Variants in CLSTN2 observed in about 807,000 individuals in gnomAD.
The protein encoded by CLSTN2 is calsyntenin-2.
In CLSTN2, 48 loss-of-function variants were observed where a neutral mutation model predicts 101.2. That is an observed-to-expected ratio of 0.47 (90% CI 0.38 to 0.60). The LOEUF is 0.60. Ranked by LOEUF, CLSTN2 falls within the 20% of genes least tolerant of loss-of-function variation. CLSTN2 has a pLI of 0.00. For synonymous variants in CLSTN2, 481 were observed against 463.6 expected (o/e 1.04, Z -0.48); for missense variants, 1,160 against 1,238.2 (o/e 0.94, Z 0.95).
intron 1 of CLSTN2, among the ~76,000 whole-genome samples, chr3:140,149,437 A>G (rs555751625): frequency 2.5e-4 from 36 of 146,768 alleles, no homozygotes; most frequent in Admixed American, 4.2e-4. Flanking sequence ...TAGAGCATCC[A>G]GTTAACTCGA....
At chr3:140,518,623 C>T (rs1201692823) in intron 8 of CLSTN2, among the ~76,000 whole-genome samples, 1 of 152,174 alleles carries the variant, frequency 6.6e-6, no homozygotes, top group Non-Finnish European at 1.5e-5. Context: ...GATTCCTTTT[C>T]ACACTTTTAC....
chr3:140,055,041 A>AT (rs1217003225), intron 1 of CLSTN2, among the ~76,000 whole-genome samples: 2 of 152,112 alleles, frequency 1.3e-5, no homozygotes, highest in African/African-American at 2.4e-5. Context: ...ATTGGCTTTG[A>AT]TTTTGTTGAA....
intron 2 of CLSTN2, among the ~76,000 whole-genome samples, chr3:140,272,307 T>C (rs563142057): frequency 6.6e-6 from 1 of 152,326 alleles, no homozygotes; most frequent in Non-Finnish European, 1.5e-5. Context: ...TCCTCTTTTA[T>C]GCCAGACACA....
chr3:140,118,868 A>G (rs1481426452), intron 1 of CLSTN2, among the ~76,000 whole-genome samples: 1 of 152,342 alleles, frequency 6.6e-6, no homozygotes, highest in East Asian at 1.9e-4. Context: ...CATTATTATC[A>G]CTTCATTTAC....
chr3:140,457,329 C>T (rs371754726), intron 6 of CLSTN2, among the ~76,000 whole-genome samples: 5 of 152,354 alleles, frequency 3.3e-5, no homozygotes, highest in South Asian at 4.1e-4. Context: ...GTACCTCTGT[C>T]ACCATCTGTC....
chr3:140,167,422 C>T (rs2010151507), intron 1 of CLSTN2, among the ~76,000 whole-genome samples: 1 of 152,136 alleles, frequency 6.6e-6, no homozygotes, highest in African/African-American at 2.4e-5. Flanking sequence ...ACTGAGTTAG[C>T]ACTTCTCTTT....
intron 8 of CLSTN2, among the ~76,000 whole-genome samples, chr3:140,472,612 G>C (rs1366215615): frequency 6.6e-6 from 1 of 152,180 alleles, no homozygotes; most frequent in African/African-American, 2.4e-5. Flanking sequence ...CACTCTGCTC[G>C]GCATCCCTGC....
intron 2 of CLSTN2, among the ~76,000 whole-genome samples, chr3:140,235,174 G>A (rs964390270): frequency 7.9e-5 from 12 of 152,144 alleles, no homozygotes; most frequent in Non-Finnish European, 1.3e-4. Context: ...AAATATATTC[G>A]TTGTGTCCTC....
At chr3:140,068,318 C>A (rs752000218) in intron 1 of CLSTN2, among the ~76,000 whole-genome samples, 1 of 152,168 alleles carries the variant, frequency 6.6e-6, no homozygotes, top group Admixed American at 6.5e-5. Context: ...GCTCTTTGGG[C>A]CTTAGAATCT....
intron 10 of CLSTN2, among the ~76,000 whole-genome samples, 191 bp from the exon 11 acceptor site, chr3:140,556,322 G>A (rs895300953): frequency 6.6e-6 from 1 of 152,134 alleles, no homozygotes; most frequent in Non-Finnish European, 1.5e-5. Flanking sequence ...GGGCCGCAAA[G>A]CCCACCAGAG....
intron 1 of CLSTN2, among the ~76,000 whole-genome samples, chr3:140,059,209 T>C (rs1432789143): frequency 2.0e-5 from 3 of 152,194 alleles, no homozygotes; most frequent in Non-Finnish European, 4.4e-5. Context: ...TGGGAAAGGA[T>C]TAAGTGAGCA....
chr3:140,248,332 T>C (rs548394051), intron 2 of CLSTN2, among the ~76,000 whole-genome samples: 22 of 152,332 alleles, frequency 1.4e-4, no homozygotes, highest in African/African-American at 4.3e-4. Context: ...TTTCTCCTGA[T>C]TCCTGTAGGT....
intron 2 of CLSTN2, among the ~76,000 whole-genome samples, chr3:140,386,984 C>T (rs2088059880): frequency 6.6e-6 from 1 of 152,182 alleles, no homozygotes; most frequent in South Asian, 2.1e-4. Flanking sequence ...TACAACAGTG[C>T]TTCTCCTAAA....
At chr3:140,214,124 G>A (rs11707235) in intron 2 of CLSTN2, among the ~76,000 whole-genome samples, 99,261 of 151,718 alleles carry the variant, frequency 0.65, 33,017 homozygotes, top group East Asian at 0.92. Flanking sequence ...AGGGTTATCC[G>A]AGCCTCAACT....
chr3:140,216,210 C>G (rs957400562), intron 2 of CLSTN2, among the ~76,000 whole-genome samples: 1 of 152,116 alleles, frequency 6.6e-6, no homozygotes, highest in African/African-American at 2.4e-5. Flanking sequence ...CGAAACAACC[C>G]GCCTCCCACC....
chr3:140,483,007 C>G (rs1934153356), intron 8 of CLSTN2, among the ~76,000 whole-genome samples: 1 of 152,132 alleles, frequency 6.6e-6, no homozygotes, highest in Admixed American at 6.6e-5. Context: ...TTTACTCTTG[C>G]TTCTCCAGTT....
At chr3:140,505,144 T>C (rs1324765539) in intron 8 of CLSTN2, among the ~76,000 whole-genome samples, 2 of 151,922 alleles carry the variant, frequency 1.3e-5, no homozygotes, top group Non-Finnish European at 2.9e-5. Context: ...CCCTGTGAAA[T>C]GCAAATTGGC....
At chr3:140,331,513 C>CA (rs2087383101) in intron 2 of CLSTN2, among the ~76,000 whole-genome samples, 1 of 152,170 alleles carries the variant, frequency 6.6e-6, no homozygotes, top group Non-Finnish European at 1.5e-5. Context: ...CTGCATCTAC[C>CA]AAAACAAAAG....
intron 1 of CLSTN2, among the ~76,000 whole-genome samples, chr3:139,953,565 G>C (rs894923510): frequency 2.0e-5 from 3 of 152,142 alleles, no homozygotes; most frequent in African/African-American, 7.2e-5. Context: ...AAGTGTGGCA[G>C]GTCAGTAGTC....
Sources: gnomAD v4.1 joint callset for allele counts (sites outside exome capture counted in the v4.1 genomes callset) on GRCh38, gnomAD v4.1.1 for gene constraint, MANE v1.5 for transcripts, NCBI Gene and HGNC (gene_info 2026-07-23, HGNC 2026-07-21) for gene names.